The following MTMR3 variants were observed in gnomAD, a reference collection of about 807,000 sequenced individuals.
MTMR3 encodes the protein myotubularin related protein 3.
Under a neutral mutation model 132.4 loss-of-function variants are expected in MTMR3, and 32 were observed. That is an observed-to-expected ratio of 0.24 (90% CI 0.18 to 0.32). The LOEUF (loss-of-function observed/expected upper bound fraction) is 0.32. Ranked by LOEUF, MTMR3 falls within the 10% of genes least tolerant of loss-of-function variation. The pLI is 1.00. For synonymous variants in MTMR3, 556 were observed against 550.3 expected, an observed-to-expected ratio of 1.01 and a Z score of -0.14; for missense variants, 1,216 against 1,489.6, an observed-to-expected ratio of 0.82 and a Z score of 3.02.
chr22:29,953,433 A>G (rs2066122584), intron 1 of MTMR3, among the ~76,000 whole-genome samples: 1 of 152,188 alleles, frequency 6.6e-6, no homozygotes, highest in Non-Finnish European at 1.5e-5. Flanking sequence ...CGATGATCAC[A>G]TAAACAGTTC....
Position 29,978,482 on chromosome 22 carries a change from A to G in MTMR3, c.44A>G (p.Asn15Ser). Residue 15 changes from asparagine (N) to serine (S), a missense_variant, in exon 4 of 20, where the codon AAT becomes AGT. Asn to Ser is a conservative substitution (Grantham distance 46). Transcript: ENST00000401950. ...CACAGCCTTGAGTGCATCCAGGCCA[A>G]TCAGATCTTTCCCAGGAAGCAGCTG... ...TRHSLECIQA[N>S]QIFPRKQLIR... The G allele has an allele frequency of 6.2e-7, 1 of 1,613,902 alleles. No homozygotes were observed.
chr22:29,892,532 T>C (rs537224992), intron 1 of MTMR3, among the ~76,000 whole-genome samples: 1 of 152,188 alleles, frequency 6.6e-6, no homozygotes, highest in Non-Finnish European at 1.5e-5. Context: ...TAACAAACTT[T>C]CCATGATGAT....
At chr22:29,988,607 A>G in intron 6 of MTMR3, 45 bp downstream of exon 6, 2 of 1,447,772 alleles carry the variant, frequency 1.4e-6, no homozygotes, top group Non-Finnish European at 1.9e-6. Context: ...TGTGGAAAAT[A>G]TTTTTTAAAG....
At chr22:29,965,625 C>T (rs552959031) in intron 2 of MTMR3, among the ~76,000 whole-genome samples, 1 of 152,306 alleles carries the variant, frequency 6.6e-6, no homozygotes, top group South Asian at 2.1e-4. Context: ...GCAGAGGTTG[C>T]AGTGAGCTGA....
intron 13 of MTMR3, 98 bp from the exon 14 acceptor site, chr22:30,013,258 G>C: frequency 7.8e-7 from 1 of 1,281,566 alleles, no homozygotes. Flanking sequence ...CTTTCTGGGA[G>C]GCTGTTAGAG....
At chr22:29,991,699 C>G in intron 7 of MTMR3, 29 bp downstream of exon 7, 1 of 1,538,696 alleles carries the variant, frequency 6.5e-7, no homozygotes, top group South Asian at 1.2e-5. Flanking sequence ...TGCAAATGGC[C>G]AGGGGCTTTA....
At chr22:30,006,861 CT>C (rs1038734954) in intron 9 of MTMR3, 2 of 442,724 alleles carry the variant, frequency 4.5e-6, no homozygotes, top group Non-Finnish European at 8.3e-6. Flanking sequence ...TGCCTGACCC[CT>C]GTTAGTCATT....
At chr22:29,918,891 T>G (rs911479076) in intron 1 of MTMR3, among the ~76,000 whole-genome samples, 3 of 152,168 alleles carry the variant, frequency 2.0e-5, no homozygotes, top group African/African-American at 4.8e-5. Flanking sequence ...GTTTGTATGG[T>G]TAGTTGAATT....
chr22:29,932,161 T>TA (rs1474171762), intron 1 of MTMR3, among the ~76,000 whole-genome samples: 4 of 152,202 alleles, frequency 2.6e-5, no homozygotes, highest in African/African-American at 7.2e-5. Context: ...CTCTTAATTA[T>TA]AAAAATTGAG....
intron 2 of MTMR3, among the ~76,000 whole-genome samples, chr22:29,962,541 T>C (rs1194298734): frequency 6.6e-6 from 1 of 152,026 alleles, no homozygotes; most frequent in African/African-American, 2.4e-5. Flanking sequence ...TGTGGTGGCT[T>C]GCACCTGTGG....
intron 5 of MTMR3, 118 bp from the exon 6 acceptor site, chr22:29,988,362 G>A (rs2066897762): frequency 3.3e-6 from 2 of 606,988 alleles, no homozygotes; most frequent in Non-Finnish European, 5.5e-6. Flanking sequence ...TAAGTTTGCA[G>A]TTCTATTTTT....
intron 1 of MTMR3, among the ~76,000 whole-genome samples, chr22:29,924,016 C>A (rs571003867): frequency 1.3e-5 from 2 of 152,236 alleles, no homozygotes; most frequent in African/African-American, 4.8e-5. Context: ...TGATAGTGCC[C>A]TTTGGTGCAC....
intron 3 of MTMR3, among the ~76,000 whole-genome samples, chr22:29,973,501 G>A (rs1398226581): frequency 2.6e-5 from 4 of 152,142 alleles, no homozygotes; most frequent in East Asian, 1.9e-4. Flanking sequence ...ATGACAGTAG[G>A]ACTGATAATT....
At chr22:29,936,305 C>T (rs2065748865) in intron 1 of MTMR3, among the ~76,000 whole-genome samples, 1 of 152,136 alleles carries the variant, frequency 6.6e-6, no homozygotes, top group African/African-American at 2.4e-5. Context: ...TAGTTGCAGA[C>T]TCATTAATAA....
chr22:29,912,267 A>G (rs1012730606), intron 1 of MTMR3, among the ~76,000 whole-genome samples: 5 of 152,200 alleles, frequency 3.3e-5, no homozygotes, highest in Admixed American at 2.0e-4. Flanking sequence ...CTGTCTTTTT[A>G]TTATTTATTT....
At chr22:29,978,080 C>T (rs113133256) in intron 3 of MTMR3, 2,527 of 161,596 alleles carry the variant, frequency 0.016, 67 homozygotes, top group African/African-American at 0.058. Flanking sequence ...GCAGAGGTTG[C>T]GGCGAGCCAA....
At chr22:29,961,777 C>A (rs1003039862) in intron 2 of MTMR3, among the ~76,000 whole-genome samples, 1 of 152,200 alleles carries the variant, frequency 6.6e-6, no homozygotes, top group Non-Finnish European at 1.5e-5. Context: ...AACTTCCAGT[C>A]CTACAAGCAC....
chr22:29,902,405 A>ATTTT, intron 1 of MTMR3, among the ~76,000 whole-genome samples: 1 of 147,022 alleles, frequency 6.8e-6, no homozygotes, highest in African/African-American at 2.6e-5. Flanking sequence ...TGGTTATGAA[A>ATTTT]GTTTTTTTTT....
In MTMR3 at chr22:29,978,986, C is replaced by G. The variant is rs191264177; in HGVS notation, c.144C>G (p.Ala48=). The stretch of plus-strand genomic sequence containing the variant: ...AGAGCACAGAGTTTGTGGGCCGTGC[C>G]GAGGATGCCATCATTGCCCTTTCCA... ...HGESTEFVGR[A]EDAIIALSNY... The change falls in exon 5 of 20, where the codon GCC becomes GCG. Residue 48 remains alanine (A), a synonymous_variant. Coordinates refer to ENST00000401950, the MANE Select transcript of MTMR3 (RefSeq NM_021090.4). 1.9e-5 allele frequency: 31 copies of G among 1,613,800 alleles called. No individual in the cohort carries two copies. Among genetic ancestry groups the G allele is most frequent in the East Asian group, 1.3e-4 (6 of 44,876 alleles).
Sources: gnomAD v4.1 joint callset for allele counts (sites outside exome capture counted in the v4.1 genomes callset) on GRCh38, gnomAD v4.1.1 for gene constraint, MANE v1.5 for transcripts, NCBI Gene and HGNC (gene_info 2026-07-23, HGNC 2026-07-21) for gene names.